GALNTL6: variants seen among roughly 807,000 people sequenced by gnomAD.
The protein encoded by GALNTL6 is polypeptide N-acetylgalactosaminyltransferase like 6.
GALNTL6 carries 46 observed loss-of-function variants against 73.7 expected under a neutral mutation model. That is an observed-to-expected ratio of 0.62 (90% confidence interval 0.49 to 0.80). The LOEUF is 0.80. Among genes scored for constraint, GALNTL6 ranks in the 30% least tolerant of loss-of-function variants. The pLI is 0.00. For synonymous variants in GALNTL6, 259 were observed against 263.7 expected, an observed-to-expected ratio of 0.98 and a Z score of 0.17; for missense variants, 604 against 755.0, an observed-to-expected ratio of 0.80 and a Z score of 2.34.
chr4:172,775,368 A>G (rs1308037160), intron 5 of GALNTL6, among the ~76,000 whole-genome samples: 1 of 152,212 alleles, frequency 6.6e-6, no homozygotes, highest in Non-Finnish European at 1.5e-5. Context: ...ATGTGTTTTC[A>G]AAAATGTAAC....
chr4:172,621,319 C>T (rs1237884822), intron 5 of GALNTL6, among the ~76,000 whole-genome samples: 3 of 152,164 alleles, frequency 2.0e-5, no homozygotes, highest in East Asian at 3.8e-4. Context: ...CCTCCTAAAG[C>T]ACTGGGATTA....
chr4:172,097,378 C>A (rs1732384852), intron 2 of GALNTL6, among the ~76,000 whole-genome samples: 1 of 152,132 alleles, frequency 6.6e-6, no homozygotes, highest in South Asian at 2.1e-4. Context: ...GAAATCCTTC[C>A]CCGCTATGCC....
intron 2 of GALNTL6, among the ~76,000 whole-genome samples, chr4:172,167,822 G>A (rs1196515377): frequency 2.0e-5 from 3 of 147,942 alleles, no homozygotes; most frequent in South Asian, 2.1e-4. Context: ...AGCCGGGCGC[G>A]GTGGCGGGCG....
At chr4:172,639,273 A>G (rs1167620487) in intron 5 of GALNTL6, among the ~76,000 whole-genome samples, 2 of 152,098 alleles carry the variant, frequency 1.3e-5, no homozygotes, top group Admixed American at 1.3e-4. Flanking sequence ...TCTCAACCCT[A>G]CTGGGACCTC....
rs375612146 is a variant in GALNTL6 at position 172,490,879 on chromosome 4, G to A, written c.553+142190G>A. ...TGCATAAAGTCACGTTGAAGACTTC[G>A]ATAGCCCGTTCATTCATTTATTCAT... On this transcript the variant is annotated intron_variant, in intron 5 of 12. Coordinates refer to ENST00000506823, the MANE Select transcript of GALNTL6 (RefSeq NM_001034845.3). Among the ~76,000 whole-genome samples, 18 of 152,206 alleles carry A rather than the reference G, an allele frequency of 1.2e-4. No homozygotes were observed. In the East Asian group the frequency reaches 2.5e-3, roughly 21 times the overall value.
At chr4:172,709,517 C>G (rs1267990146) in intron 5 of GALNTL6, among the ~76,000 whole-genome samples, 1 of 152,164 alleles carries the variant, frequency 6.6e-6, no homozygotes, top group African/African-American at 2.4e-5. Flanking sequence ...TGAGCTCAGT[C>G]TGTGGATAAA....
At chr4:172,564,097 A>G (rs187315159) in intron 5 of GALNTL6, among the ~76,000 whole-genome samples, 1 of 152,186 alleles carries the variant, frequency 6.6e-6, no homozygotes, top group Non-Finnish European at 1.5e-5. Flanking sequence ...CACATTGTGC[A>G]TTACCCTCTC....
At chr4:172,286,825 A>G (rs952501286) in intron 3 of GALNTL6, among the ~76,000 whole-genome samples, 12 of 152,190 alleles carry the variant, frequency 7.9e-5, no homozygotes, top group African/African-American at 2.9e-4. Context: ...GAGCCAAAGA[A>G]GGAAAATTTT....
At chr4:172,615,491 C>A (rs1441276753) in intron 5 of GALNTL6, among the ~76,000 whole-genome samples, 1 of 152,132 alleles carries the variant, frequency 6.6e-6, no homozygotes, top group Non-Finnish European at 1.5e-5. Flanking sequence ...TGCCCCCTTA[C>A]TCCCTGGAGT....
intron 2 of GALNTL6, among the ~76,000 whole-genome samples, chr4:171,899,647 C>T (rs1737023799): frequency 6.6e-6 from 1 of 152,166 alleles, no homozygotes; most frequent in African/African-American, 2.4e-5. Flanking sequence ...TTTATGTATG[C>T]TATACACATA....
intron 2 of GALNTL6, among the ~76,000 whole-genome samples, chr4:172,191,376 T>C (rs762123381): frequency 6.6e-6 from 1 of 152,190 alleles, no homozygotes; most frequent in Non-Finnish European, 1.5e-5. Flanking sequence ...TCTCTACAAC[T>C]GCCCTCCCTG....
At chr4:171,867,070 A>C (rs1028001261) in intron 2 of GALNTL6, among the ~76,000 whole-genome samples, 7 of 152,156 alleles carry the variant, frequency 4.6e-5, no homozygotes, top group African/African-American at 7.2e-5. Context: ...AATATATAAA[A>C]TATGATAAGT....
At chr4:172,276,125 A>C (rs528564431) in intron 3 of GALNTL6, among the ~76,000 whole-genome samples, 1 of 152,358 alleles carries the variant, frequency 6.6e-6, no homozygotes, top group Non-Finnish European at 1.5e-5. Context: ...TCTTGCAGCT[A>C]GGCATGGCCA....
intron 2 of GALNTL6, among the ~76,000 whole-genome samples, chr4:172,178,101 G>A (rs927282198): frequency 6.6e-6 from 1 of 151,800 alleles, no homozygotes; most frequent in Non-Finnish European, 1.5e-5. Flanking sequence ...ACTTAAACTG[G>A]CACTGTAACT....
At chr4:172,270,776 C>T (rs1444258900) in intron 3 of GALNTL6, among the ~76,000 whole-genome samples, 1 of 128,602 alleles carries the variant, frequency 7.8e-6, no homozygotes, top group Admixed American at 8.2e-5. Context: ...TAGATAATCT[C>T]TAGATATAGA....
At chr4:172,649,832 A>G (rs2111147210) in intron 5 of GALNTL6, among the ~76,000 whole-genome samples, 1 of 152,308 alleles carries the variant, frequency 6.6e-6, no homozygotes, top group South Asian at 2.1e-4. Context: ...ACTTGTACAT[A>G]TTATGTATGT....
rs1734398349 is a variant in GALNTL6 at position 172,507,460 on chromosome 4, A to G, written c.553+158771A>G. 3.7e-5 allele frequency among the ~76,000 whole-genome samples: 2 copies of G among 54,086 alleles called. 1 individual carries two copies. The highest frequency in any genetic ancestry group is 8.5e-5 in the Non-Finnish European group (2 of 23,586). The allele number at this position is 54,086 out of a possible 152,430, so 35.5% of individuals were successfully genotyped here. Reference sequence around the variant, plus strand: ...GTTTATGAGGCCTTCATTTTGAGGTATTGTTTTCTGAGTCCCCACATAAGC... The same window carrying G: ...GTTTATGAGGCCTTCATTTTGAGGTGTTGTTTTCTGAGTCCCCACATAAGC... On this transcript the variant is annotated intron_variant, in intron 5 of 12. Coordinates refer to ENST00000506823, the MANE Select transcript of GALNTL6 (RefSeq NM_001034845.3).
At chr4:172,277,040 G>A (rs557445871) in intron 3 of GALNTL6, among the ~76,000 whole-genome samples, 1 of 151,692 alleles carries the variant, frequency 6.6e-6, no homozygotes, top group African/African-American at 2.4e-5. Context: ...TCTTTCTTCT[G>A]TTCACTCTGA....
At position 172,063,918 on chromosome 4, in the gene GALNTL6, C is replaced by T. The variant is rs201152790; in HGVS notation, c.139-165738C>T. On this transcript the variant is annotated intron_variant, in intron 2 of 12. Transcript: ENST00000506823. The stretch of plus-strand genomic sequence containing the variant: ...CTCTGCTATACATTCACATATGAGC[C>T]GCAATTTGCCTTGTGCCTGAAGCAT... Among the ~76,000 whole-genome samples the T allele has an allele frequency of 4.2e-4, 64 of 152,246 alleles. 1 individual carries two copies. The East Asian group carries it at 0.011, about 27-fold the overall frequency.
Sources: gnomAD v4.1 joint callset for allele counts (sites outside exome capture counted in the v4.1 genomes callset) on GRCh38, gnomAD v4.1.1 for gene constraint, MANE v1.5 for transcripts, NCBI Gene and HGNC (gene_info 2026-07-23, HGNC 2026-07-21) for gene names.